Variants in MPRIP observed in about 807,000 individuals in gnomAD.
MPRIP encodes the protein myosin phosphatase Rho-interacting protein.
In MPRIP, 59 loss-of-function variants were observed where a neutral mutation model predicts 234.9. The ratio of observed to expected loss-of-function variants is 0.25; its 90% CI spans 0.20 to 0.31. The LOEUF (loss-of-function observed/expected upper bound fraction) is 0.31. Among genes scored for constraint, MPRIP ranks in the 10% least tolerant of loss-of-function variants. The pLI is 1.00. For synonymous variants in MPRIP, 1,144 were observed against 1,263.9 expected (o/e 0.91, Z 2.01); for missense variants, 2,436 against 3,071.0 (o/e 0.79, Z 4.89).
At position 17,169,191 on chromosome 17, in the gene MPRIP, G is replaced by T. The variant is rs559767988; in HGVS notation, c.6324+1276G>T. The T allele has an allele frequency of 9.3e-4, 338 of 362,436 alleles. 1 individual carries two copies. The highest frequency in any genetic ancestry group is 4.2e-3 in the Middle Eastern group (11 of 2,616). 22.5% of individuals were successfully genotyped at this position (362,436 alleles called of 1,614,324 possible). The stretch of plus-strand genomic sequence containing the variant: ...TGTGTATATGATGGCACTGTGGTCA[G>T]TTCACCAAGAGCAGCACTGAGATGG... On this transcript the variant is annotated intron_variant, in intron 16 of 23. Transcript: ENST00000651222.
intron 5 of MPRIP, among the ~76,000 whole-genome samples, chr17:17,133,776 G>T (rs1879698847): frequency 6.6e-6 from 1 of 152,234 alleles, no homozygotes; most frequent in African/African-American, 2.4e-5. Context: ...TAGAGTCTAG[G>T]CCTGGGAGAA....
chr17:17,056,896 G>T (rs1298338542), intron 1 of MPRIP, among the ~76,000 whole-genome samples: 2 of 152,188 alleles, frequency 1.3e-5, no homozygotes, highest in Non-Finnish European at 2.9e-5. Context: ...TTTGTCTGTG[G>T]TGTCTTGCAC....
intron 2 of MPRIP, chr17:17,077,704 A>C (rs1378222547): frequency 8.5e-6 from 3 of 352,518 alleles, no homozygotes; most frequent in Non-Finnish European, 1.6e-5. Flanking sequence ...TCAGGAATAC[A>C]AAAAGGTAAC....
intron 1 of MPRIP, among the ~76,000 whole-genome samples, chr17:17,068,056 A>G (rs1265188970): frequency 6.6e-6 from 1 of 152,008 alleles, no homozygotes; most frequent in African/African-American, 2.4e-5. Context: ...ATGTCTGCAG[A>G]ATCTGTGATG....
intron 17 of MPRIP, among the ~76,000 whole-genome samples, 167 bp from the exon 18 acceptor site, chr17:17,172,531 A>G (rs2046162231): frequency 6.6e-6 from 1 of 152,036 alleles, no homozygotes; most frequent in Admixed American, 6.6e-5. Flanking sequence ...CACCTCAGAG[A>G]ATTGGTTCAT....
intron 16 of MPRIP, chr17:17,171,378 A>T (rs918003526): frequency 4.8e-6 from 1 of 207,706 alleles, no homozygotes; most frequent in Non-Finnish European, 9.7e-6. Context: ...CCTGGCAGCA[A>T]CGCAGGAAGG....
intron 12 of MPRIP, among the ~76,000 whole-genome samples, chr17:17,152,301 G>C (rs1401705307): frequency 2.0e-5 from 3 of 152,246 alleles, no homozygotes; most frequent in Non-Finnish European, 4.4e-5. Context: ...CTCCTCTCCT[G>C]CCGTCCACCT....
chr17:17,064,209 T>G (rs1486357102), intron 1 of MPRIP, among the ~76,000 whole-genome samples: 7 of 147,442 alleles, frequency 4.7e-5, no homozygotes, highest in African/African-American at 1.0e-4. Flanking sequence ...TTGTTTTGTT[T>G]TTTTTTTTTT....
At chr17:17,102,836 A>T (rs1021691750) in intron 3 of MPRIP, among the ~76,000 whole-genome samples, 11 of 152,256 alleles carry the variant, frequency 7.2e-5, no homozygotes, top group Non-Finnish European at 1.6e-4. Flanking sequence ...GGCAACGTTG[A>T]GGTCGACACT....
At chr17:17,108,483 C>T (rs2090105954) in intron 3 of MPRIP, among the ~76,000 whole-genome samples, 1 of 152,256 alleles carries the variant, frequency 6.6e-6, no homozygotes, top group Non-Finnish European at 1.5e-5. Flanking sequence ...CTCAGCCCTA[C>T]ATCTGAGAAT....
chr17:17,060,958 G>A (rs563545288), intron 1 of MPRIP, among the ~76,000 whole-genome samples: 1 of 152,374 alleles, frequency 6.6e-6, no homozygotes, highest in South Asian at 2.1e-4. Flanking sequence ...GGACAAGCCT[G>A]TGGCCTCTTG....
In MPRIP at chr17:17,042,830, C is replaced by G. The variant is rs771959030; in HGVS notation, c.-19C>G. 1.4e-6 allele frequency: 2 copies of G among 1,455,776 alleles called. No homozygotes were observed. Among genetic ancestry groups the G allele is most frequent in the Non-Finnish European group, 1.8e-6 (2 of 1,093,576 alleles). 90.2% of individuals were successfully genotyped at this position (1,455,776 alleles called of 1,614,324 possible). ...AGGCCTGCGCCGCCGCCGCCGCCGC[C>G]GTCGCCGCCGCGCCGACCATGTCGG... On this transcript the variant is annotated 5_prime_UTR_variant, in exon 1 of 24. Coordinates refer to ENST00000651222, the MANE Select transcript of MPRIP (RefSeq NM_001364716.4).
rs368560736 is a variant in MPRIP, at chr17:17,191,364, G to A, written c.*6470G>A. On this transcript the variant is annotated 3_prime_UTR_variant, in exon 24 of 24. Transcript: ENST00000651222. ...GAGAACCTTCAAGACCACTCACTGG[G>A]CAGGGCTCTGTGGAGCACTGGAGCT... 1 of 152,344 alleles carries A rather than the reference G, an allele frequency of 6.6e-6. No individual in the cohort carries two copies. Among genetic ancestry groups the A allele is most frequent in the Admixed American group, 6.5e-5 (1 of 15,304 alleles). 9.4% of individuals were successfully genotyped at this position (152,344 alleles called of 1,614,324 possible).
At chr17:17,112,606 T>G (rs2090195111) in intron 3 of MPRIP, among the ~76,000 whole-genome samples, 2 of 152,152 alleles carry the variant, frequency 1.3e-5, no homozygotes, top group African/African-American at 4.8e-5. Flanking sequence ...GACCGTCATC[T>G]GCATGGTTCA....
chr17:17,098,905 A>G (rs1424643420), intron 3 of MPRIP, among the ~76,000 whole-genome samples: 1 of 151,810 alleles, frequency 6.6e-6, no homozygotes, highest in Non-Finnish European at 1.5e-5. Flanking sequence ...TTATCTCCAC[A>G]TTTTCCCAGC....
Position 17,136,165 on chromosome 17 carries a change from A to G in MPRIP, c.505-54A>G, listed in dbSNP as rs568287604. 60 of 1,607,768 alleles carry G rather than the reference A, an allele frequency of 3.7e-5. 1 individual carries two copies. In the South Asian group the frequency reaches 6.3e-4, roughly 17 times the overall value. ...GCTAGGCAGCCAGGACCTGTGACCC[A>G]ACCTGAGCTGTGTGCTCCTGCACCT... is the stretch of plus-strand genomic sequence containing the variant. On this transcript the variant is annotated intron_variant, in intron 5 of 23. Transcript: ENST00000651222.
chr17:17,062,871 G>C (rs1280916442), intron 1 of MPRIP, among the ~76,000 whole-genome samples: 1 of 152,266 alleles, frequency 6.6e-6, no homozygotes, highest in Non-Finnish European at 1.5e-5. Context: ...TGTATCAGGA[G>C]TGTGGAAGCA....
At position 17,078,122 on chromosome 17, in the gene MPRIP, T is replaced by G. The variant is rs1178138039; in HGVS notation, c.267+46T>G. 1.9e-6 allele frequency: 3 copies of G among 1,597,210 alleles called. No individual in the cohort carries two copies. In the Admixed American group the frequency reaches 5.0e-5, roughly 27 times the overall value. ...CTCCCTGTCCCCAGCCTTCACCAAG[T>G]CCCTCCATTACAGTGCCCTTGCGTT... is the stretch of plus-strand genomic sequence containing the variant. On this transcript the variant is annotated intron_variant, in intron 3 of 23. Coordinates refer to ENST00000651222, the MANE Select transcript of MPRIP (RefSeq NM_001364716.4). This position sits in a 1 kb window ranked among gnomAD's most constrained non-coding sequence, Gnocchi z 4.3.
intron 10 of MPRIP, 131 bp downstream of exon 10, chr17:17,146,223 C>A: frequency 2.5e-6 from 2 of 797,270 alleles, no homozygotes; most frequent in Non-Finnish European, 4.2e-6. Context: ...TCTTCATGAC[C>A]AGGGCTGTGG....
Sources: allele counts gnomAD v4.1 joint callset (sites outside exome capture counted in the v4.1 genomes callset), GRCh38; gene constraint gnomAD v4.1.1; non-coding constraint Gnocchi (gnomAD v3.1); transcripts MANE v1.5; gene names NCBI Gene and HGNC (gene_info 2026-07-23, HGNC 2026-07-21).